The following CASD1 variants were observed in gnomAD, a reference collection of about 807,000 sequenced individuals.
The protein encoded by CASD1 is CAS1 domain sialic acid O acetyltransferase 1, also known as N-acetylneuraminate (7)9-O-acetyltransferase.
A neutral mutation model predicts 100.0 loss-of-function variants in CASD1; 41 were observed. That is an observed-to-expected ratio of 0.41 (90% confidence interval 0.32 to 0.53). The LOEUF (loss-of-function observed/expected upper bound fraction) is 0.53, where lower values mean the gene tolerates loss of function less well. Ranked by LOEUF, CASD1 falls within the 20% of genes least tolerant of loss-of-function variation. The pLI is 0.25. For missense variants in CASD1, 774 were observed against 948.7 expected (o/e 0.82, Z 2.42); for synonymous variants, 321 against 315.6 (o/e 1.02, Z -0.18).
At chr7:94,510,284 G>T (rs941204860) in intron 1 of CASD1, 67 bp downstream of exon 1, 312 of 1,205,652 alleles carry the variant, frequency 2.6e-4, no homozygotes, top group Non-Finnish European at 3.1e-4. Flanking sequence ...GCTGGAGGCC[G>T]CCCCCATCGC....
chr7:94,568,888 A>G, the CASD1 span, among the ~76,000 whole-genome samples: 1 of 152,164 alleles, frequency 6.6e-6, no homozygotes, highest in Non-Finnish European at 1.5e-5. Flanking sequence ...CAGCACTTTG[A>G]TCTTGTACTT....
chr7:94,633,473 A>T, the CASD1 span, among the ~76,000 whole-genome samples: 1 of 152,136 alleles, frequency 6.6e-6, no homozygotes, highest in Non-Finnish European at 1.5e-5. Flanking sequence ...GATCCAATTT[A>T]TCTCATCACC....
chr7:94,526,369 A>G (rs1414964857), intron 3 of CASD1, among the ~76,000 whole-genome samples: 1 of 152,200 alleles, frequency 6.6e-6, no homozygotes, highest in Non-Finnish European at 1.5e-5. Context: ...TGCCTTGGGA[A>G]ATTCAGCCTG....
chr7:94,588,788 A>G, the CASD1 span: 2 of 1,609,496 alleles, frequency 1.2e-6, no homozygotes, highest in Non-Finnish European at 1.7e-6. Flanking sequence ...TTGTAAACAG[A>G]GAGCAGACAT....
chr7:94,620,395 ATGT>A, the CASD1 span: 638 of 152,262 alleles, frequency 4.2e-3, 3 homozygotes, highest in African/African-American at 0.014. Flanking sequence ...GATTTCCTTA[ATGT>A]ATAGCCCATC....
chr7:94,570,107 C>G, the CASD1 span, among the ~76,000 whole-genome samples: 2 of 152,154 alleles, frequency 1.3e-5, no homozygotes. Flanking sequence ...GCCACCGCAC[C>G]TGGCCCAATC....
At chr7:94,632,865 A>G in the CASD1 span, among the ~76,000 whole-genome samples, 3 of 152,052 alleles carry the variant, frequency 2.0e-5, no homozygotes, top group Non-Finnish European at 4.4e-5. Context: ...AGCTATATAA[A>G]TAAAGCTGAT....
intron 10 of CASD1, among the ~76,000 whole-genome samples, chr7:94,543,193 T>G (rs1464756173): frequency 1.3e-5 from 2 of 152,178 alleles, no homozygotes; most frequent in Non-Finnish European, 2.9e-5. Context: ...TGTGTAGAAC[T>G]TATGGTCTAA....
At chr7:94,521,463 A>G (rs1794264445) in intron 3 of CASD1, among the ~76,000 whole-genome samples, 1 of 152,208 alleles carries the variant, frequency 6.6e-6, no homozygotes, top group Admixed American at 6.5e-5. Flanking sequence ...GTAAATGATC[A>G]CAATTAAAGT....
the CASD1 span, chr7:94,620,354 ATTGTCAC>A: frequency 6.6e-6 from 1 of 152,106 alleles, no homozygotes; most frequent in African/African-American, 2.4e-5. Context: ...TATCTCCTAT[ATTGTCAC>A]TTGTTCTGCT....
At chr7:94,545,359 A>G (rs907142431) in intron 11 of CASD1, among the ~76,000 whole-genome samples, 186 bp from the exon 12 acceptor site, 1 of 152,074 alleles carries the variant, frequency 6.6e-6, no homozygotes. Context: ...CATATTTTAT[A>G]TTCAGCTCTT....
At position 94,513,144 on chromosome 7, in the gene CASD1, G is replaced by A. The variant is rs367873520; in HGVS notation, c.133+2927G>A. Among the ~76,000 whole-genome samples, 42 of 152,166 alleles carry A rather than the reference G, an allele frequency of 2.8e-4. No individual in the cohort carries two copies. In the South Asian group the frequency reaches 6.7e-3, roughly 24 times the overall value. On this transcript the variant is annotated intron_variant, in intron 1 of 17. Coordinates refer to ENST00000297273, the MANE Select transcript of CASD1 (RefSeq NM_022900.5). Reference sequence around the variant, plus strand: ...CTGAGGTCAGGAGTTCAAGACCAGCGTGGCCAACATGGTGAAACCTCTTCT... The same window carrying A: ...CTGAGGTCAGGAGTTCAAGACCAGCATGGCCAACATGGTGAAACCTCTTCT...
chr7:94,592,283 C>A, the CASD1 span, among the ~76,000 whole-genome samples: 7 of 152,156 alleles, frequency 4.6e-5, no homozygotes, highest in Admixed American at 6.6e-5. Context: ...TGCCTTCAAT[C>A]CCAACTCTGC....
At chr7:94,532,659 T>A (rs1260795101) in intron 5 of CASD1, among the ~76,000 whole-genome samples, 1 of 152,204 alleles carries the variant, frequency 6.6e-6, no homozygotes, top group African/African-American at 2.4e-5. Flanking sequence ...TGGGGGGAAA[T>A]ACTCTAATTT....
chr7:94,531,445 T>C (rs974006082), intron 5 of CASD1, among the ~76,000 whole-genome samples: 1 of 152,076 alleles, frequency 6.6e-6, no homozygotes, highest in East Asian at 1.9e-4. Flanking sequence ...TCTATGAAGT[T>C]TGAGAATTAA....
At chr7:94,615,379 TAG>T in the CASD1 span, among the ~76,000 whole-genome samples, 3 of 135,176 alleles carry the variant, frequency 2.2e-5, no homozygotes, top group African/African-American at 8.5e-5. Context: ...GATAGATAGA[TAG>T]ATAGATAGAT....
rs373668603 is a variant in CASD1 at position 94,523,706 on chromosome 7, A to T, written c.352-3456A>T. ...ATTTGTTGTGCAACTTTACCGATGGATTCTAAATTTTTTATAGATGGGCAG... is the reference window on the plus strand; with the variant it reads ...ATTTGTTGTGCAACTTTACCGATGGTTTCTAAATTTTTTATAGATGGGCAG... On this transcript the variant is annotated intron_variant, in intron 3 of 17. Coordinates refer to ENST00000297273, the MANE Select transcript of CASD1 (RefSeq NM_022900.5). 5.9e-5 allele frequency among the ~76,000 whole-genome samples: 9 copies of T among 152,274 alleles called. No homozygotes were observed. The East Asian group carries it at 1.2e-3, about 20-fold the overall frequency.
chr7:94,511,222 G>A (rs773634333), intron 1 of CASD1, among the ~76,000 whole-genome samples: 23 of 152,292 alleles, frequency 1.5e-4, no homozygotes, highest in Middle Eastern at 3.4e-3. Flanking sequence ...CTTGGTGACT[G>A]TGAGATTAAT....
chr7:94,545,745 A>G, intron 12 of CASD1, 44 bp downstream of exon 12: 1 of 1,346,096 alleles, frequency 7.4e-7, no homozygotes. Flanking sequence ...TATTTTTTCA[A>G]CGTGTGAAAT....
Sources: gnomAD v4.1 joint callset for allele counts (sites outside exome capture counted in the v4.1 genomes callset) on GRCh38, gnomAD v4.1.1 for gene constraint, MANE v1.5 for transcripts, NCBI Gene and HGNC (gene_info 2026-07-23, HGNC 2026-07-21) for gene names.